IMMP2L: variants seen among roughly 807,000 people sequenced by gnomAD.
The protein encoded by IMMP2L is mitochondrial inner membrane protease subunit 2.
In IMMP2L, 18 loss-of-function variants were observed where a neutral mutation model predicts 19.3. The observed-to-expected ratio is 0.93, with a 90% CI of 0.64 to 1.38. The LOEUF (loss-of-function observed/expected upper bound fraction) is 1.38, where lower values mean the gene tolerates loss of function less well. IMMP2L is among the 40% of genes most tolerant of loss of function. The pLI, the probability that IMMP2L is intolerant of heterozygous loss-of-function variation, is 0.00. For missense variants in IMMP2L, 233 were observed against 218.2 expected (o/e 1.07, Z -0.43); for synonymous variants, 76 against 73.0 (o/e 1.04, Z -0.21).
chr7:111,372,873 A>T (rs1399017802), intron 3 of IMMP2L, among the ~76,000 whole-genome samples: 1 of 152,066 alleles, frequency 6.6e-6, no homozygotes, highest in Non-Finnish European at 1.5e-5. Context: ...AGTGCTGTAG[A>T]TCATTGATCA....
intron 5 of IMMP2L, among the ~76,000 whole-genome samples, chr7:110,688,816 A>G (rs1024599362): frequency 6.6e-6 from 1 of 152,056 alleles, no homozygotes; most frequent in African/African-American, 2.4e-5. Context: ...AAGGATATGT[A>G]TTTGTCCTTT....
intron 5 of IMMP2L, among the ~76,000 whole-genome samples, chr7:110,706,846 T>A (rs1241321628): frequency 6.6e-6 from 1 of 151,998 alleles, no homozygotes; most frequent in Non-Finnish European, 1.5e-5. Context: ...GCTCCTTAGT[T>A]TAATTAGGTC....
intron 5 of IMMP2L, among the ~76,000 whole-genome samples, chr7:110,818,220 A>T (rs893230091): frequency 6.6e-6 from 1 of 152,118 alleles, no homozygotes; most frequent in African/African-American, 2.4e-5. Flanking sequence ...CTCATCTGAC[A>T]AAGGGCTAAT....
rs564858416 is a variant in IMMP2L at position 111,434,616 on chromosome 7, G to A, written c.239+52622C>T. ...GATGGAGTGCAGTGGCGCAATCTTG[G>A]CTCACTGCAACCTCCACCTCTTGGA... On this transcript the variant is annotated intron_variant, in intron 3 of 5. Coordinates refer to ENST00000405709, the MANE Select transcript of IMMP2L (RefSeq NM_032549.4). Among the ~76,000 whole-genome samples, 93 of 151,660 alleles carry A rather than the reference G, an allele frequency of 6.1e-4. 2 individuals carry two copies. Among genetic ancestry groups the A allele is most frequent in the African/African-American group, 2.1e-3 (87 of 41,104 alleles).
intron 3 of IMMP2L, among the ~76,000 whole-genome samples, chr7:111,148,342 C>T (rs1285496005): frequency 6.6e-6 from 1 of 151,954 alleles, no homozygotes; most frequent in African/African-American, 2.4e-5. Context: ...GTAGACAGTG[C>T]TTGCTAGCCC....
intron 3 of IMMP2L, among the ~76,000 whole-genome samples, chr7:111,107,640 T>C (rs3823926): frequency 0.72 from 109,587 of 151,992 alleles, 41,954 homozygotes; most frequent in East Asian, 0.9. Context: ...GGGGCACTAG[T>C]AAAGTAATAA....
At position 111,325,400 on chromosome 7, in the gene IMMP2L, C is replaced by T. The variant is rs115425706; in HGVS notation, c.239+161838G>A. ...ATGCAGATAAGTACAAATGTGAAAGCGCGCAAAATAAATATAATGTTTTAA... is the reference window on the plus strand; with the variant it reads ...ATGCAGATAAGTACAAATGTGAAAGTGCGCAAAATAAATATAATGTTTTAA... On this transcript the variant is annotated intron_variant, in intron 3 of 5. Transcript: ENST00000405709. Among the ~76,000 whole-genome samples, 1,339 of 151,448 alleles carry T rather than the reference C, an allele frequency of 8.8e-3. 23 individuals carry two copies. The highest frequency in any genetic ancestry group is 0.031 in the African/African-American group (1,280 of 41,384).
At chr7:111,071,854 A>G (rs10953679) in intron 3 of IMMP2L, among the ~76,000 whole-genome samples, 116,406 of 152,092 alleles carry the variant, frequency 0.77, 47,524 homozygotes, top group Non-Finnish European at 0.9. Context: ...GCAAATTTAT[A>G]CATTGTACAT....
chr7:111,432,068 C>T (rs1836685451), intron 3 of IMMP2L, among the ~76,000 whole-genome samples: 1 of 151,714 alleles, frequency 6.6e-6, no homozygotes, highest in Non-Finnish European at 1.5e-5. Flanking sequence ...ATCAGAAGTT[C>T]CAGAGACCTA....
chr7:111,300,423 A>G (rs1466197472), intron 3 of IMMP2L, among the ~76,000 whole-genome samples: 3 of 152,170 alleles, frequency 2.0e-5, no homozygotes, highest in East Asian at 1.9e-4. Flanking sequence ...GTAGATTCAC[A>G]TGCAGTTGTA....
chr7:110,785,771 T>C lies in IMMP2L; in HGVS notation c.408+100822A>G, dbSNP rs540037897. On this transcript the variant is annotated intron_variant, in intron 5 of 5. Transcript: ENST00000405709. ...AACAGGCTATATCATCATATAATTATTACAAGTAAAAACCTTTAATAATGG... is the reference window on the plus strand; with the variant it reads ...AACAGGCTATATCATCATATAATTACTACAAGTAAAAACCTTTAATAATGG... Among the ~76,000 whole-genome samples the C allele has an allele frequency of 1.1e-3, 173 of 152,076 alleles. 8 individuals are homozygous for C. The South Asian group carries it at 0.033, about 29-fold the overall frequency.
At chr7:111,330,785 C>G (rs1440096230) in intron 3 of IMMP2L, among the ~76,000 whole-genome samples, 3 of 151,834 alleles carry the variant, frequency 2.0e-5, no homozygotes, top group African/African-American at 7.3e-5. Context: ...AAAAATTTCT[C>G]AAAAGAAGAC....
At position 111,040,743 on chromosome 7, in the gene IMMP2L, T is replaced by G. The variant is rs1165667894; in HGVS notation, c.240-77178A>C. Among the ~76,000 whole-genome samples the G allele has an allele frequency of 2.0e-5, 3 of 148,974 alleles. No homozygotes were observed. In the East Asian group the frequency reaches 5.8e-4, roughly 29 times the overall value. Reference sequence around the variant, plus strand: ...TAATATTATATAATTATATAAAATCTTATAAACCTTATAAAACCTTATAAA... The same window carrying G: ...TAATATTATATAATTATATAAAATCGTATAAACCTTATAAAACCTTATAAA... On this transcript the variant is annotated intron_variant, in intron 3 of 5. Transcript: ENST00000405709.
At chr7:110,763,395 A>G (rs898199510) in intron 5 of IMMP2L, among the ~76,000 whole-genome samples, 8 of 152,062 alleles carry the variant, frequency 5.3e-5, no homozygotes, top group African/African-American at 1.9e-4. Context: ...TTGAGTGCCT[A>G]CTCTGAGCAA....
intron 5 of IMMP2L, among the ~76,000 whole-genome samples, chr7:110,746,241 C>A (rs543837756): frequency 2.0e-5 from 3 of 152,104 alleles, no homozygotes; most frequent in Admixed American, 6.5e-5. Flanking sequence ...TACAGGAGCA[C>A]CCAGATTCAT....
In IMMP2L at chr7:111,050,524, T is replaced by C. The variant is rs940309291; in HGVS notation, c.240-86959A>G. 8.5e-5 allele frequency among the ~76,000 whole-genome samples: 13 copies of C among 152,344 alleles called. No individual in the cohort carries two copies. The East Asian group carries it at 1.2e-3, about 14-fold the overall frequency. Reference sequence around the variant, plus strand: ...CGCGTTCTTTCTTTAGGTATGTTAATGTTAAATGGTCTTGTTTAAAGGGGA... The same window carrying C: ...CGCGTTCTTTCTTTAGGTATGTTAACGTTAAATGGTCTTGTTTAAAGGGGA... On this transcript the variant is annotated intron_variant, in intron 3 of 5. Coordinates refer to ENST00000405709, the MANE Select transcript of IMMP2L (RefSeq NM_032549.4).
chr7:110,822,117 T>G (rs963472829), intron 5 of IMMP2L, among the ~76,000 whole-genome samples: 3 of 152,098 alleles, frequency 2.0e-5, no homozygotes, highest in Admixed American at 2.0e-4. Flanking sequence ...TTCATCATTT[T>G]GCCCCTAAAC....
intron 1 of IMMP2L, among the ~76,000 whole-genome samples, chr7:111,524,267 A>G (rs1427347217): frequency 6.6e-6 from 1 of 152,062 alleles, no homozygotes. Context: ...ATAAATAAAT[A>G]AATAAATCCA....
intron 3 of IMMP2L, among the ~76,000 whole-genome samples, chr7:111,336,558 G>A (rs1826428368): frequency 6.6e-6 from 1 of 151,836 alleles, no homozygotes; most frequent in South Asian, 2.1e-4. Flanking sequence ...ATTTTCTAGA[G>A]TTTATCTTGT....
Sources: allele counts gnomAD v4.1 joint callset (sites outside exome capture counted in the v4.1 genomes callset), GRCh38; gene constraint gnomAD v4.1.1; transcripts MANE v1.5; gene names NCBI Gene and HGNC (gene_info 2026-07-23, HGNC 2026-07-21).